Variants in MECOM observed in about 807,000 individuals in gnomAD.
MECOM encodes MDS1 and EVI1 complex locus.
Under a neutral mutation model 116.3 loss-of-function variants are expected in MECOM, and 13 were observed. The observed-to-expected ratio is 0.11, with a 90% confidence interval of 0.07 to 0.18. MECOM has a LOEUF of 0.18. Among genes scored for constraint, MECOM ranks in the 10% least tolerant of loss-of-function variants. The pLI is 1.00. For synonymous variants in MECOM, 528 were observed against 535.2 expected (o/e 0.99, Z 0.19); for missense variants, 1,299 against 1,509.0 (o/e 0.86, Z 2.31).
chr3:169,309,829 CT>C (rs1329733634), intron 2 of MECOM, among the ~76,000 whole-genome samples: 1 of 152,210 alleles, frequency 6.6e-6, no homozygotes. Context: ...CACCTTGAGC[CT>C]CAGTTTCCTC....
At chr3:169,363,943 G>A (rs1728744658) in intron 2 of MECOM, among the ~76,000 whole-genome samples, 1 of 151,916 alleles carries the variant, frequency 6.6e-6, no homozygotes, top group Non-Finnish European at 1.5e-5. Context: ...CTTATGAAGT[G>A]GTAGTCTTTG....
chr3:169,574,546 G>T (rs971073215), intron 1 of MECOM, among the ~76,000 whole-genome samples: 1 of 152,186 alleles, frequency 6.6e-6, no homozygotes, highest in Non-Finnish European at 1.5e-5. Context: ...TTCTGACAAT[G>T]ATGAATGGCA....
Position 169,095,149 on chromosome 3 carries a change from T to C in MECOM, c.2946A>G (p.Leu982=). The C allele has an allele frequency of 6.2e-7, 1 of 1,613,732 alleles. No homozygotes were observed. Among genetic ancestry groups the C allele is most frequent in the Non-Finnish European group, 8.5e-7 (1 of 1,179,828 alleles). ...HNKEKPFKCH[L]CDRCFGQQTN... ...TTTGTTGACCAAAACACCTATCACA[T>C]AAGTGACACTTAAATGGCTTCTCTT... Residue 982 remains leucine, a synonymous_variant, in exon 13 of 17, where the codon TTA becomes TTG. Coordinates refer to ENST00000651503, the MANE Select transcript of MECOM (RefSeq NM_004991.4).
chr3:169,633,088 C>G (rs968814419), intron 1 of MECOM, among the ~76,000 whole-genome samples: 1 of 152,176 alleles, frequency 6.6e-6, no homozygotes, highest in Non-Finnish European at 1.5e-5. Context: ...AACACTGAAT[C>G]CTGTGAACAT....
intron 1 of MECOM, among the ~76,000 whole-genome samples, chr3:169,458,845 A>T (rs1469945902): frequency 3.3e-5 from 5 of 152,240 alleles, no homozygotes; most frequent in African/African-American, 1.2e-4. Flanking sequence ...AGTAATGTAG[A>T]GCAGAGGCAC....
At chr3:169,465,244 C>T (rs1177904010) in intron 1 of MECOM, among the ~76,000 whole-genome samples, 3 of 152,292 alleles carry the variant, frequency 2.0e-5, no homozygotes, top group East Asian at 3.9e-4. Flanking sequence ...AGCTTTGTCA[C>T]TAATTAGCCG....
intron 2 of MECOM, among the ~76,000 whole-genome samples, chr3:169,221,009 T>C (rs1172296159): frequency 2.6e-5 from 4 of 152,178 alleles, no homozygotes; most frequent in Non-Finnish European, 2.9e-5. Flanking sequence ...CTCTATACAA[T>C]AATGTTTAAA....
chr3:169,490,155 A>G (rs1752905297), intron 1 of MECOM, among the ~76,000 whole-genome samples: 1 of 152,238 alleles, frequency 6.6e-6, no homozygotes, highest in Non-Finnish European at 1.5e-5. Flanking sequence ...TGCGCTTTAG[A>G]GTTTCAAAAA....
At chr3:169,358,530 A>G (rs906011202) in intron 2 of MECOM, among the ~76,000 whole-genome samples, 1 of 127,042 alleles carries the variant, frequency 7.9e-6, no homozygotes, top group East Asian at 2.5e-4. Context: ...TAGAGCCACA[A>G]AAAAAAAAAA....
In MECOM at chr3:169,528,118, C is replaced by T. The variant is rs998267107; in HGVS notation, c.37+135218G>A. Among the ~76,000 whole-genome samples the T allele has an allele frequency of 2.0e-5, 3 of 152,182 alleles. No homozygotes were observed. In the South Asian group the frequency reaches 6.2e-4, roughly 32 times the overall value. ...GTGGTCTATTTTCTGAGCCAAACCC[C>T]TTCAGACATGACCCATAAAACGGAA... On this transcript the variant is annotated intron_variant, in intron 1 of 16. Coordinates refer to ENST00000651503, the MANE Select transcript of MECOM (RefSeq NM_004991.4).
chr3:169,092,883 T>C, intron 14 of MECOM, 75 bp downstream of exon 14: 2 of 1,569,646 alleles, frequency 1.3e-6, no homozygotes, highest in Non-Finnish European at 1.7e-6. Flanking sequence ...GCCACAAAAG[T>C]GAGCATAGCA....
chr3:169,447,497 C>A (rs1314098859), intron 1 of MECOM, among the ~76,000 whole-genome samples: 1 of 152,106 alleles, frequency 6.6e-6, no homozygotes, highest in Non-Finnish European at 1.5e-5. Flanking sequence ...CAGAATCATA[C>A]CTTTCTCATT....
chr3:169,378,386 C>CAAGAAAGA (rs1195791276), intron 2 of MECOM, among the ~76,000 whole-genome samples: 2,596 of 59,210 alleles, frequency 0.044, 613 homozygotes, highest in Non-Finnish European at 0.065. Context: ...GGAAGGAAGA[C>CAAGAAAGA]AAGAAAGAAA....
At chr3:169,643,183 A>AT (rs1328460221) in intron 1 of MECOM, among the ~76,000 whole-genome samples, 1 of 152,234 alleles carries the variant, frequency 6.6e-6, no homozygotes, top group East Asian at 1.9e-4. Flanking sequence ...CCAGATTGTC[A>AT]TTTTTTTCTC....
At chr3:169,366,477 C>T (rs1190539656) in intron 2 of MECOM, among the ~76,000 whole-genome samples, 1 of 151,978 alleles carries the variant, frequency 6.6e-6, no homozygotes, top group Non-Finnish European at 1.5e-5. Flanking sequence ...TCATACTCAT[C>T]TGAAAAAATG....
chr3:169,406,970 G>C (rs1290811507), intron 1 of MECOM, among the ~76,000 whole-genome samples: 1 of 151,616 alleles, frequency 6.6e-6, no homozygotes, highest in East Asian at 1.9e-4. Flanking sequence ...AGTCTCCCAA[G>C]TAGCTGGGAT....
At chr3:169,173,358 T>C (rs529293141) in intron 2 of MECOM, among the ~76,000 whole-genome samples, 17 of 152,196 alleles carry the variant, frequency 1.1e-4, no homozygotes, top group Non-Finnish European at 1.9e-4. Flanking sequence ...CACTAGGCTC[T>C]CTTCCAACAA....
intron 1 of MECOM, among the ~76,000 whole-genome samples, chr3:169,418,003 T>C (rs1332873675): frequency 6.6e-6 from 1 of 151,468 alleles, no homozygotes; most frequent in African/African-American, 2.4e-5. Context: ...ATATACCTAA[T>C]GCTAAATGAC....
intron 1 of MECOM, among the ~76,000 whole-genome samples, chr3:169,616,462 C>T (rs1452257399): frequency 2.6e-5 from 4 of 152,170 alleles, no homozygotes; most frequent in Non-Finnish European, 5.9e-5. Context: ...TGTCCTGCCT[C>T]AGCCTCCCAA....
Sources: gnomAD v4.1 joint callset for allele counts (sites outside exome capture counted in the v4.1 genomes callset) on GRCh38, gnomAD v4.1.1 for gene constraint, MANE v1.5 for transcripts, NCBI Gene and HGNC (gene_info 2026-07-23, HGNC 2026-07-21) for gene names.